SLC12A8: variants seen among roughly 807,000 people sequenced by gnomAD.
SLC12A8 encodes the protein cation-chloride cotransporter 9.
Under a neutral mutation model 75.6 loss-of-function variants are expected in SLC12A8, and 69 were observed. The observed-to-expected ratio is 0.91, with a 90% CI of 0.75 to 1.11. The LOEUF is 1.11. SLC12A8 is among the 50% of genes most tolerant of loss of function. The pLI, the probability that SLC12A8 is intolerant of heterozygous loss-of-function variation, is 0.00. For synonymous variants in SLC12A8, 365 were observed against 372.8 expected (o/e 0.98, Z 0.24); for missense variants, 877 against 896.7 (o/e 0.98, Z 0.28).
At chr3:125,189,580 G>A (rs1448438940) in intron 3 of SLC12A8, among the ~76,000 whole-genome samples, 3 of 152,212 alleles carry the variant, frequency 2.0e-5, no homozygotes, top group African/African-American at 7.2e-5. Context: ...GCGGGGCGGG[G>A]AAGAGAGGAG....
chr3:125,188,613 T>C (rs1201005050), intron 3 of SLC12A8, among the ~76,000 whole-genome samples: 1 of 152,110 alleles, frequency 6.6e-6, no homozygotes, highest in African/African-American at 2.4e-5. Context: ...AAGAAGGAGA[T>C]GTAATGTCAC....
At chr3:125,153,994 C>G (rs147368372) in intron 5 of SLC12A8, among the ~76,000 whole-genome samples, 1 of 152,180 alleles carries the variant, frequency 6.6e-6, no homozygotes. Context: ...GTGACCCACC[C>G]ACCTTGGCCT....
At chr3:125,125,885 G>A (rs1933192600) in intron 6 of SLC12A8, 16 of 972,800 alleles carry the variant, frequency 1.6e-5, no homozygotes, top group Non-Finnish European at 1.8e-5. Flanking sequence ...CCCACAAGAA[G>A]GCTGAGCTTA....
intron 10 of SLC12A8, among the ~76,000 whole-genome samples, chr3:125,103,628 C>T (rs1266733894): frequency 6.6e-6 from 1 of 151,588 alleles, no homozygotes; most frequent in Non-Finnish European, 1.5e-5. Context: ...TCACACTTGG[C>T]TCATTGAAAA....
rs774970369 is a variant in SLC12A8, at chr3:125,107,516, G to C, written c.1670C>G (p.Pro557Arg). 10 of 1,613,596 alleles carry C rather than the reference G, an allele frequency of 6.2e-6. No homozygotes were observed. In the East Asian group the frequency reaches 2.2e-4, roughly 36 times the overall value. Residue 557 changes from proline to arginine, a missense_variant, in exon 10 of 14, where the codon CCT (proline) becomes CGT (arginine). Coordinates refer to ENST00000469902, the MANE Select transcript of SLC12A8 (RefSeq NM_024628.6). Reference sequence around the variant, plus strand: ...GGACTCTGATTGGTTGCACAGCTCAGGAACAAGTTGCTCTCCATATGTTCC... The same window carrying C: ...GGACTCTGATTGGTTGCACAGCTCACGAACAAGTTGCTCTCCATATGTTCC... ...PEGTYGEQLV[P>R]ELCNQSESSG...
chr3:125,107,466 TACCAGAGCACTC>T lies in SLC12A8; in HGVS notation c.1705+3_1705+14del. On this transcript the variant is annotated splice_donor_5th_base_variant and intron_variant, in intron 10 of 13. Coordinates refer to ENST00000469902, the MANE Select transcript of SLC12A8 (RefSeq NM_024628.6). ...CCCCAAATAAGAGGCCCCAGTGTGA[TACCAGAGCACTC>T]ACCTTCTCCACTGGACTCTGATTGG... is the stretch of plus-strand genomic sequence containing the variant. The T allele has an allele frequency of 2.5e-6, 4 of 1,593,316 alleles. No homozygotes were observed. Among genetic ancestry groups the T allele is most frequent in the Non-Finnish European group, 3.4e-6 (4 of 1,165,226 alleles).
At chr3:125,184,034 G>A (rs142027164) in intron 4 of SLC12A8, among the ~76,000 whole-genome samples, 105 of 151,962 alleles carry the variant, frequency 6.9e-4, no homozygotes, top group African/African-American at 2.4e-3. Flanking sequence ...GTGCAGTGGC[G>A]CATTCTCAGC....
chr3:125,092,194 G>T lies in SLC12A8; in HGVS notation c.1710C>A (p.Phe570Leu). ...CNQSESSGED[F>L]FLKSRLQEQD... is the part of the protein sequence containing the mutation. The stretch of plus-strand genomic sequence containing the variant: ...GTTCTTGGAGCCTGGACTTCAGGAA[G>T]AAATCTAAAAAATAGCCAAAGATTT... The change falls in exon 11 of 14, where the codon TTC (phenylalanine) becomes TTA (leucine). Residue 570 changes from phenylalanine to leucine, a missense_variant. By Grantham distance (22) the Phe-to-Leu change is conservative. Coordinates refer to ENST00000469902, the MANE Select transcript of SLC12A8 (RefSeq NM_024628.6). 6.2e-7 allele frequency: 1 copy of T among 1,611,152 alleles called. No homozygotes were observed. The highest frequency in any genetic ancestry group is 8.5e-7 in the Non-Finnish European group (1 of 1,177,818).
At chr3:125,179,733 A>AGAGAGAGAGAGAGAGAGAGAGAGAGAG (rs1560077720) in intron 4 of SLC12A8, among the ~76,000 whole-genome samples, 3 of 134,984 alleles carry the variant, frequency 2.2e-5, no homozygotes, top group Admixed American at 7.3e-5. Flanking sequence ...GAGAGAGAGA[A>AGAGAGAGAGAGAGAGAGAGAGAGAGAG]AGAGAAAGAC....
In SLC12A8 at chr3:125,137,573, G is replaced by C. The variant is rs534483042; in HGVS notation, c.623-1791C>G. ...TGCAGGTCGGAAAGCACATCTGAGCGGAGGGCTGTGTGTGCCCGGCAGGCC... is the reference window on the plus strand; with the variant it reads ...TGCAGGTCGGAAAGCACATCTGAGCCGAGGGCTGTGTGTGCCCGGCAGGCC... On this transcript the variant is annotated intron_variant, in intron 5 of 13. Transcript: ENST00000469902. 5.9e-5 allele frequency among the ~76,000 whole-genome samples: 9 copies of C among 152,142 alleles called. No individual in the cohort carries two copies. In the South Asian group the frequency reaches 1.9e-3, roughly 32 times the overall value.
At chr3:125,117,613 A>T (rs1171245093) in intron 8 of SLC12A8, among the ~76,000 whole-genome samples, 1 of 152,002 alleles carries the variant, frequency 6.6e-6, no homozygotes. Flanking sequence ...TTAAAATTAA[A>T]ATATTAAAAT....
intron 12 of SLC12A8, among the ~76,000 whole-genome samples, chr3:125,091,175 T>C (rs1938569682): frequency 6.6e-6 from 1 of 152,210 alleles, no homozygotes; most frequent in South Asian, 2.1e-4. Context: ...TACAACAGTA[T>C]ACTTTCACTT....
chr3:125,092,422 C>T (rs1309127163), intron 10 of SLC12A8, among the ~76,000 whole-genome samples: 1 of 152,132 alleles, frequency 6.6e-6, no homozygotes, highest in African/African-American at 2.4e-5. Flanking sequence ...GAGGAAGGTC[C>T]TCTGATGCTC....
chr3:125,211,184 C>A, intron 2 of SLC12A8, 115 bp downstream of exon 2: 1 of 860,522 alleles, frequency 1.2e-6, no homozygotes, highest in Non-Finnish European at 2.0e-6. Flanking sequence ...CCAAAATAGA[C>A]TTTGGAGTTA....
At chr3:125,144,270 A>T (rs1933719389) in intron 5 of SLC12A8, among the ~76,000 whole-genome samples, 1 of 152,106 alleles carries the variant, frequency 6.6e-6, no homozygotes, top group Admixed American at 6.5e-5. Flanking sequence ...CCTCACAACT[A>T]CCCTATGAGG....
At chr3:125,085,532 A>G (rs1938434703) in intron 13 of SLC12A8, among the ~76,000 whole-genome samples, 4 of 152,184 alleles carry the variant, frequency 2.6e-5, no homozygotes, top group Admixed American at 2.0e-4. Flanking sequence ...GGGAACTCAA[A>G]ACTACAAAGC....
At chr3:125,210,488 C>T (rs1231068555) in intron 2 of SLC12A8, among the ~76,000 whole-genome samples, 2 of 152,144 alleles carry the variant, frequency 1.3e-5, no homozygotes, top group African/African-American at 2.4e-5. Flanking sequence ...GGAACAGATG[C>T]CATCACAGGG....
Position 125,177,948 on chromosome 3 carries a change from G to C in SLC12A8, c.417C>G (p.Thr139=). The C allele has an allele frequency of 6.2e-7, 1 of 1,613,630 alleles. No individual in the cohort carries two copies. The highest frequency in any genetic ancestry group is 8.5e-7 in the Non-Finnish European group (1 of 1,179,802). The change falls in exon 5 of 14, where the codon ACC becomes ACG. Residue 139 remains threonine, a synonymous_variant. Coordinates refer to ENST00000469902, the MANE Select transcript of SLC12A8 (RefSeq NM_024628.6). ...GQCVAGAMYI[T]GFAESISDLL... is the part of the protein sequence containing the mutation. ...AATCCGAGATGGATTCAGCAAAGCC[G>C]GTGATATACATGGCACCTGCAACAC... is the stretch of plus-strand genomic sequence containing the variant.
chr3:125,160,196 A>G (rs532631781), intron 5 of SLC12A8, among the ~76,000 whole-genome samples: 17 of 151,890 alleles, frequency 1.1e-4, no homozygotes, highest in African/African-American at 4.1e-4. Context: ...CTCCTACCTC[A>G]GCCTCCCAAA....
Sources: allele counts gnomAD v4.1 joint callset (sites outside exome capture counted in the v4.1 genomes callset), GRCh38; gene constraint gnomAD v4.1.1; transcripts MANE v1.5; gene names NCBI Gene and HGNC (gene_info 2026-07-23, HGNC 2026-07-21).